PRKN: variants seen among roughly 807,000 people sequenced by gnomAD.
The protein encoded by PRKN is E3 ubiquitin-protein ligase parkin.
Under a neutral mutation model 59.5 loss-of-function variants are expected in PRKN, and 56 were observed. That is an observed-to-expected ratio of 0.94 (90% confidence interval 0.76 to 1.18). PRKN has a LOEUF of 1.18. Ranked by LOEUF, PRKN falls within the 50% of genes most tolerant of loss-of-function variation. The pLI is 0.00. For missense variants in PRKN, 657 were observed against 596.4 expected, an observed-to-expected ratio of 1.10 and a Z score of -1.06; for synonymous variants, 250 against 222.1, an observed-to-expected ratio of 1.13 and a Z score of -1.12.
intron 7 of PRKN, among the ~76,000 whole-genome samples, chr6:161,685,253 C>A (rs1562607015): frequency 6.6e-6 from 1 of 152,176 alleles, no homozygotes; most frequent in Non-Finnish European, 1.5e-5. Flanking sequence ...AAGGATTGTG[C>A]AAATTCTCAT....
intron 9 of PRKN, among the ~76,000 whole-genome samples, chr6:161,443,020 G>C (rs1401602104): frequency 6.6e-6 from 1 of 152,040 alleles, no homozygotes; most frequent in East Asian, 1.9e-4. Context: ...TAGAATCAGG[G>C]AGCGAGGCCG....
At chr6:161,699,565 G>A (rs934650367) in intron 7 of PRKN, among the ~76,000 whole-genome samples, 10 of 152,044 alleles carry the variant, frequency 6.6e-5, no homozygotes, top group South Asian at 2.1e-4. Flanking sequence ...TCTCAATACC[G>A]TGTATCTCAA....
In PRKN at chr6:161,397,114, C is replaced by G. The variant is rs966398184; in HGVS notation, c.1084-10237G>C. 6.6e-6 allele frequency among the ~76,000 whole-genome samples: 1 copy of G among 152,138 alleles called. No individual in the cohort carries two copies. Among genetic ancestry groups the G allele is most frequent in the African/African-American group, 2.4e-5 (1 of 41,398 alleles). On this transcript the variant is annotated intron_variant, in intron 9 of 11. Transcript: ENST00000366898. The surrounding 1 kb of genome is among the most constrained non-coding windows in gnomAD (Gnocchi z 4.2). ...CATACCTCTATTAAACTGTTTCACC[C>G]TCTATATGAAACTGTCTCCACCTAT...
intron 7 of PRKN, among the ~76,000 whole-genome samples, chr6:161,662,666 GTC>G (rs1784589299): frequency 8.0e-6 from 1 of 125,006 alleles, no homozygotes; most frequent in Non-Finnish European, 1.9e-5. Flanking sequence ...ACCACTTTGT[GTC>G]TTTGTTTCCT....
chr6:162,212,544 G>A (rs1362932475), intron 3 of PRKN, among the ~76,000 whole-genome samples: 1 of 152,122 alleles, frequency 6.6e-6, no homozygotes, highest in Non-Finnish European at 1.5e-5. Flanking sequence ...GAAAAACATC[G>A]GGCTTTGAGA....
At chr6:161,940,966 A>G (rs1779543366) in intron 6 of PRKN, among the ~76,000 whole-genome samples, 2 of 152,158 alleles carry the variant, frequency 1.3e-5, no homozygotes, top group African/African-American at 4.8e-5. Context: ...TTGGACACAG[A>G]ATATTATTAC....
At chr6:162,409,545 A>T (rs1237684612) in intron 2 of PRKN, among the ~76,000 whole-genome samples, 1 of 152,166 alleles carries the variant, frequency 6.6e-6, no homozygotes, top group Non-Finnish European at 1.5e-5. Context: ...GAAATTGCCA[A>T]TTTTGTAGAT....
chr6:161,628,832 C>T (rs1056477561), intron 7 of PRKN, among the ~76,000 whole-genome samples: 1 of 152,168 alleles, frequency 6.6e-6, no homozygotes, highest in Non-Finnish European at 1.5e-5. Context: ...ATAGGCAGGC[C>T]CTTGAGGCAG....
chr6:161,556,062 T>C (rs1051032849), intron 8 of PRKN, among the ~76,000 whole-genome samples: 6 of 152,254 alleles, frequency 3.9e-5, no homozygotes, highest in Admixed American at 6.5e-5. Context: ...GAAGTTAATG[T>C]ATGGACAACG....
intron 5 of PRKN, among the ~76,000 whole-genome samples, chr6:162,051,018 A>G (rs1276517068): frequency 6.6e-6 from 1 of 152,138 alleles, no homozygotes; most frequent in Non-Finnish European, 1.5e-5. Flanking sequence ...ATGTGTTAGG[A>G]GTGTGAGGAA....
intron 7 of PRKN, among the ~76,000 whole-genome samples, chr6:161,733,781 A>ATAT (rs1380552060): frequency 1.4e-5 from 1 of 74,066 alleles, no homozygotes; most frequent in East Asian, 3.3e-4. Context: ...AAAAAAAAAA[A>ATAT]AAATATATAT....
Position 162,443,392 on chromosome 6 carries a change from A to T in PRKN, c.89T>A (p.Val30Asp), listed in dbSNP as rs745697155. The change falls in exon 2 of 12, where the codon GTT becomes GAT. Residue 30 changes from valine (V) to aspartate (D), a missense_variant. Physicochemically the swap from Val to Asp is radical, Grantham distance 152. Coordinates refer to ENST00000366898, the MANE Select transcript of PRKN (RefSeq NM_004562.3). ...AGCCGGAACCCCCTGTCGCTTAGCA[A>T]CCACCTCCTTGAGCTGGAAGATGCT... ...DTSIFQLKEVVAKRQGVPADQ... is the reference protein window; with the variant it reads ...DTSIFQLKEVDAKRQGVPADQ... 3.1e-6 allele frequency: 5 copies of T among 1,613,904 alleles called. No homozygotes were observed. The South Asian group carries it at 5.5e-5, about 18-fold the overall frequency.
intron 4 of PRKN, among the ~76,000 whole-genome samples, chr6:162,181,610 G>C (rs915700357): frequency 6.6e-6 from 1 of 152,046 alleles, no homozygotes; most frequent in Non-Finnish European, 1.5e-5. Context: ...AATCCAACAT[G>C]GTACACCTGA....
chr6:162,714,827 C>T (rs1260604492), intron 1 of PRKN, among the ~76,000 whole-genome samples: 1 of 152,176 alleles, frequency 6.6e-6, no homozygotes, highest in Non-Finnish European at 1.5e-5. Context: ...ACGTAATTTA[C>T]ACCCTAAACC....
intron 7 of PRKN, among the ~76,000 whole-genome samples, chr6:161,621,605 G>C (rs1782902440): frequency 6.6e-6 from 1 of 151,984 alleles, no homozygotes; most frequent in South Asian, 2.1e-4. Flanking sequence ...CAATCCACTT[G>C]GACTCACATC....
intron 7 of PRKN, among the ~76,000 whole-genome samples, chr6:161,656,063 C>T (rs753240183): frequency 1.8e-4 from 28 of 152,300 alleles, no homozygotes; most frequent in East Asian, 1.4e-3. Context: ...CGAGGTAGCC[C>T]GCTGCCTCCA....
chr6:162,591,571 T>C (rs1228755974), intron 1 of PRKN, among the ~76,000 whole-genome samples: 1 of 152,168 alleles, frequency 6.6e-6, no homozygotes. Context: ...CATGTTCATC[T>C]CTTCTGTGTA....
intron 1 of PRKN, among the ~76,000 whole-genome samples, chr6:162,486,860 A>T (rs1792565896): frequency 6.6e-6 from 1 of 152,114 alleles, no homozygotes; most frequent in Non-Finnish European, 1.5e-5. Context: ...ACCTGAGGTC[A>T]GGAGTTCAAG....
rs547794967 is a variant in PRKN, at chr6:162,059,842, A to G, written c.535-5668T>C. ...GAGGAAACCATGGGCTGCTGGCCAA[A>G]TCCCACCTTATACAGACTCTGTGCT... On this transcript the variant is annotated intron_variant, in intron 4 of 11. Coordinates refer to ENST00000366898, the MANE Select transcript of PRKN (RefSeq NM_004562.3). Among the ~76,000 whole-genome samples the G allele has an allele frequency of 1.6e-4, 24 of 152,326 alleles. 2 individuals carry two copies. In the South Asian group the frequency reaches 5.0e-3, roughly 32 times the overall value.
Sources: allele counts gnomAD v4.1 joint callset (sites outside exome capture counted in the v4.1 genomes callset), GRCh38; gene constraint gnomAD v4.1.1; non-coding constraint Gnocchi (gnomAD v3.1); transcripts MANE v1.5; gene names NCBI Gene and HGNC (gene_info 2026-07-23, HGNC 2026-07-21).